ZC3H14: variants seen among roughly 807,000 people sequenced by gnomAD.
The protein encoded by ZC3H14 is zinc finger CCCH domain-containing protein 14.
Under a neutral mutation model 92.4 loss-of-function variants are expected in ZC3H14, and 31 were observed. The observed-to-expected ratio is 0.34, with a 90% confidence interval of 0.25 to 0.45. The LOEUF (loss-of-function observed/expected upper bound fraction) is 0.45, where lower values mean the gene tolerates loss of function less well. ZC3H14 is among the 20% of genes least tolerant of loss of function. ZC3H14 has a pLI of 1.00. For missense variants in ZC3H14, 781 were observed against 897.3 expected (o/e 0.87, Z 1.66); for synonymous variants, 321 against 300.9 (o/e 1.07, Z -0.69).
Position 88,621,141 on chromosome 14 carries a change from G to A in ZC3H14, c.*9390G>A, listed in dbSNP as rs373510031. On this transcript the variant is annotated 3_prime_UTR_variant, in exon 17 of 17. Coordinates refer to ENST00000251038, the MANE Select transcript of ZC3H14 (RefSeq NM_024824.5). ...ATCAGCAATATCCCAAAGTCTCACTGTCCCATCTTCTGCAGCAGAAAGGAA... is the reference window on the plus strand; with the variant it reads ...ATCAGCAATATCCCAAAGTCTCACTATCCCATCTTCTGCAGCAGAAAGGAA... 96 of 1,613,646 alleles carry A rather than the reference G, an allele frequency of 5.9e-5. No homozygotes were observed. The highest frequency in any genetic ancestry group is 7.6e-5 in the Non-Finnish European group (90 of 1,179,856).
chr14:88,621,199 A>G lies in ZC3H14; in HGVS notation c.*9448A>G. 6.2e-7 allele frequency: 1 copy of G among 1,613,944 alleles called. No homozygotes were observed. Among genetic ancestry groups the G allele is most frequent in the Non-Finnish European group, 8.5e-7 (1 of 1,179,858 alleles). On this transcript the variant is annotated 3_prime_UTR_variant, in exon 17 of 17. Transcript: ENST00000251038. ...CTGGAAGGATGTGTTGCTAGTCCCCAGATTGGCCCATCCACATGACCGTTA... is the reference window on the plus strand; with the variant it reads ...CTGGAAGGATGTGTTGCTAGTCCCCGGATTGGCCCATCCACATGACCGTTA...
At chr14:88,598,365 G>C (rs1423083182) in intron 10 of ZC3H14, among the ~76,000 whole-genome samples, 2 of 152,162 alleles carry the variant, frequency 1.3e-5, no homozygotes, top group Non-Finnish European at 1.5e-5. Flanking sequence ...AGTTTTTCAA[G>C]TAATAGCCTG....
intron 9 of ZC3H14, chr14:88,595,107 G>T: frequency 6.2e-7 from 1 of 1,609,368 alleles, no homozygotes; most frequent in South Asian, 1.1e-5. Context: ...GAAACGTTGA[G>T]AAAGGTAAAC....
In ZC3H14 at chr14:88,618,858, T is replaced by C. The variant is rs530416772; in HGVS notation, c.*7107T>C. 1.1e-5 allele frequency: 16 copies of C among 1,502,326 alleles called. No individual in the cohort carries two copies. In the African/African-American group the frequency reaches 2.1e-4, roughly 20 times the overall value. 93.1% of individuals were successfully genotyped at this position (1,502,326 alleles called of 1,614,324 possible). On this transcript the variant is annotated 3_prime_UTR_variant, in exon 17 of 17. Transcript: ENST00000251038. ...AAAAGTATTAGACCACATGAAGTAT[T>C]ATAAATACTTAAGATCAGTGACTTT...
chr14:88,609,497 A>G (rs1273622008), intron 14 of ZC3H14, 94 bp downstream of exon 14: 2 of 1,595,558 alleles, frequency 1.3e-6, no homozygotes, highest in East Asian at 2.2e-5. Context: ...AGATGGTTTC[A>G]GAAATAATTT....
chr14:88,604,402 C>T (rs1187856287), intron 12 of ZC3H14, among the ~76,000 whole-genome samples: 2 of 151,994 alleles, frequency 1.3e-5, no homozygotes, highest in African/African-American at 4.8e-5. Flanking sequence ...TGGAGAGACT[C>T]CTGCAGAACA....
In ZC3H14 at chr14:88,616,357, C is replaced by T. The variant is rs1476590405; in HGVS notation, c.*4606C>T. On this transcript the variant is annotated 3_prime_UTR_variant, in exon 17 of 17. Transcript: ENST00000251038. Reference sequence around the variant, plus strand: ...CTGTGGAGAGAGTAGGGAGTTAGCACCGCAGCCAGTGATTAGAATGCTTTT... The same window carrying T: ...CTGTGGAGAGAGTAGGGAGTTAGCATCGCAGCCAGTGATTAGAATGCTTTT... 3.0e-6 allele frequency: 3 copies of T among 999,094 alleles called. No homozygotes were observed. Among genetic ancestry groups the T allele is most frequent in the African/African-American group, 1.6e-5 (1 of 62,594 alleles). 61.9% of individuals were successfully genotyped at this position (999,094 alleles called of 1,614,324 possible).
intron 2 of ZC3H14, among the ~76,000 whole-genome samples, chr14:88,566,283 T>C (rs1167673844): frequency 1.3e-5 from 2 of 152,060 alleles, no homozygotes; most frequent in African/African-American, 2.4e-5. Context: ...ATAAATACTT[T>C]TTAATTAAAA....
Position 88,568,150 on chromosome 14 carries a change from T to C in ZC3H14, c.191T>C (p.Val64Ala). 1 of 1,613,590 alleles carries C rather than the reference T, an allele frequency of 6.2e-7. No individual in the cohort carries two copies. Among genetic ancestry groups the C allele is most frequent in the Non-Finnish European group, 8.5e-7 (1 of 1,179,612 alleles). ...GGGAACAACACAATTCGATTCACCGTATGGTATGTTTCTGAATTTTTGTGC... is the reference window on the plus strand; with the variant it reads ...GGGAACAACACAATTCGATTCACCGCATGGTATGTTTCTGAATTTTTGTGC... The part of the protein sequence containing the change: ...FLGNNTIRFT[V>A]WLHGVLDKLR... The change falls in exon 3 of 17, where the codon GTA (valine) becomes GCA (alanine). Residue 64 changes from valine to alanine, a missense_variant. Val to Ala is a moderately conservative substitution (Grantham distance 64). Around this residue, in one of 3 missense-constraint regions of ZC3H14, gnomAD observed 106 missense variants for 154.2 expected, o/e 0.69. Coordinates refer to ENST00000251038, the MANE Select transcript of ZC3H14 (RefSeq NM_024824.5).
intron 3 of ZC3H14, among the ~76,000 whole-genome samples, chr14:88,570,573 A>T (rs2080258896): frequency 6.6e-6 from 1 of 152,232 alleles, no homozygotes; most frequent in African/African-American, 2.4e-5. Flanking sequence ...GCAATATTAC[A>T]TGTTTATGAT....
At position 88,609,718 on chromosome 14, in the gene ZC3H14, C is replaced by T. The variant is rs757305797; in HGVS notation, c.2012C>T (p.Ala671Val). 3.4e-5 allele frequency: 55 copies of T among 1,614,022 alleles called. No individual in the cohort carries two copies. The highest frequency in any genetic ancestry group is 3.7e-5 in the Non-Finnish European group (44 of 1,180,006). ...CTGGTTTTTATTTTGTTAGCAGTTG[C>T]ACCACCAGCACCACCTTCCAGTAGT... is the stretch of plus-strand genomic sequence containing the variant. ...IPVLSPKPAV[A>V]PPAPPSSSQL... The change falls in exon 15 of 17, where the codon GCA becomes GTA. Residue 671 changes from alanine (A) to valine (V), a missense_variant. Physicochemically the swap from Ala to Val is moderately conservative, Grantham distance 64. Transcript: ENST00000251038.
chr14:88,607,247 G>A lies in ZC3H14; in HGVS notation c.1752G>A (p.Glu584=). The A allele has an allele frequency of 6.2e-7, 1 of 1,614,072 alleles. No homozygotes were observed. The highest frequency in any genetic ancestry group is 2.2e-5 in the East Asian group (1 of 44,882). ...EDPNGSFSNA[E]MSELSVAQKP... is the part of the protein sequence containing the mutation. ...TTATTTCCTTTCCCTTTGTAGCTGA[G>A]ATGAGTGAACTGAGTGTGGCACAGA... Residue 584 remains glutamate, a synonymous_variant, in exon 13 of 17, where the codon GAG becomes GAA. Coordinates refer to ENST00000251038, the MANE Select transcript of ZC3H14 (RefSeq NM_024824.5).
At chr14:88,563,552 G>C (rs2079159455) in intron 1 of ZC3H14, 99 bp from the exon 2 acceptor site, 1 of 1,587,254 alleles carries the variant, frequency 6.3e-7, no homozygotes. Context: ...GGGGATCCGA[G>C]GTGCGCGCAC....
chr14:88,575,888 G>A lies in ZC3H14; in HGVS notation c.1071G>A (p.Lys357=), dbSNP rs147484262. Residue 357 remains lysine, a synonymous_variant, in exon 8 of 17, where the codon AAG becomes AAA. Transcript: ENST00000251038. The part of the protein sequence containing the change: ...SKQANKNLIL[K]AISEAQESVT... ...AAGCTAACAAGAATCTGATTTTGAAGGCTATATCTGAAGCTCAAGAATCCG... is the reference window on the plus strand; with the variant it reads ...AAGCTAACAAGAATCTGATTTTGAAAGCTATATCTGAAGCTCAAGAATCCG... 674 of 1,613,880 alleles carry A rather than the reference G, an allele frequency of 4.2e-4. 3 individuals carry two copies. The highest frequency in any genetic ancestry group is 5.0e-4 in the Non-Finnish European group (593 of 1,179,924).
At chr14:88,567,326 A>G (rs1051639208) in intron 2 of ZC3H14, among the ~76,000 whole-genome samples, 3 of 151,532 alleles carry the variant, frequency 2.0e-5, no homozygotes, top group Non-Finnish European at 4.4e-5. Flanking sequence ...TGTGTTAGCC[A>G]GGATGGTCTC....
rs35953031 is a variant in ZC3H14 at position 88,620,934 on chromosome 14, TAAA to T, written c.*9198_*9200del. The T allele has an allele frequency of 1.7e-3, 2,315 of 1,362,000 alleles. No homozygotes were observed. The highest frequency in any genetic ancestry group is 7.8e-3 in the South Asian group (477 of 61,456). The allele number at this position is 1,362,000 out of a possible 1,614,324, so 84.4% of individuals were successfully genotyped here. On this transcript the variant is annotated 3_prime_UTR_variant, in exon 17 of 17. Transcript: ENST00000251038. This position sits in a 1 kb window ranked among gnomAD's most constrained non-coding sequence, Gnocchi z 4.3. ...CACTTTGTTTAACATCTTCTGCATT[TAAA>T]AAAAAAAAAAAAAAGAGTCATAGGA...
chr14:88,596,452 C>T (rs1192461341), intron 9 of ZC3H14, among the ~76,000 whole-genome samples: 1 of 152,160 alleles, frequency 6.6e-6, no homozygotes, highest in African/African-American at 2.4e-5. Context: ...CGTTTGCCAC[C>T]TTTACTTTCC....
Position 88,575,870 on chromosome 14 carries a change from CAAG to C in ZC3H14, c.1056_1058del (p.Lys352del). 6.2e-7 allele frequency: 1 copy of C among 1,613,740 alleles called. No individual in the cohort carries two copies. Among genetic ancestry groups the C allele is most frequent in the East Asian group, 2.2e-5 (1 of 44,828 alleles). On this transcript the variant is annotated inframe_deletion, in exon 8 of 17. Transcript: ENST00000251038. ...CTCTTCCACCTTCTAAACAAGCTAA[CAAG>C]AATCTGATTTTGAAGGCTATATCTG...
chr14:88,621,512 G>A lies in ZC3H14; in HGVS notation c.*9761G>A. Reference sequence around the variant, plus strand: ...ACAATGGGCTAGATTACATATTAGAGTCCATGCTACAGAATAGAACTTTTC... The same window carrying A: ...ACAATGGGCTAGATTACATATTAGAATCCATGCTACAGAATAGAACTTTTC... On this transcript the variant is annotated 3_prime_UTR_variant, in exon 17 of 17. Coordinates refer to ENST00000251038, the MANE Select transcript of ZC3H14 (RefSeq NM_024824.5). 1 of 590,114 alleles carries A rather than the reference G, an allele frequency of 1.7e-6. No homozygotes were observed. The highest frequency in any genetic ancestry group is 2.8e-5 in the East Asian group (1 of 35,364). The allele number at this position is 590,114 out of a possible 1,614,324, so 36.6% of individuals were successfully genotyped here.
Sources: allele counts gnomAD v4.1 joint callset (sites outside exome capture counted in the v4.1 genomes callset), GRCh38; gene constraint gnomAD v4.1.1; regional missense constraint gnomAD v4.1.1; non-coding constraint Gnocchi (gnomAD v3.1); transcripts MANE v1.5; gene names NCBI Gene and HGNC (gene_info 2026-07-23, HGNC 2026-07-21).